Variants in HACL1 observed in about 807,000 individuals in gnomAD.
The protein encoded by HACL1 is 1600020H07Rik.
A neutral mutation model predicts 74.2 loss-of-function variants in HACL1; 64 were observed. The observed-to-expected ratio is 0.86, with a 90% CI of 0.70 to 1.06. The LOEUF (loss-of-function observed/expected upper bound fraction) is 1.06. Among genes scored for constraint, HACL1 ranks in the 50% least tolerant of loss-of-function variants. HACL1 has a pLI of 0.00. For synonymous variants in HACL1, 230 were observed against 238.8 expected (o/e 0.96, Z 0.34); for missense variants, 728 against 719.7 (o/e 1.01, Z -0.13).
At position 15,568,601 on chromosome 3, in the gene HACL1, G is replaced by A; in HGVS notation, c.1096-15C>T. ...GAAGCTAGTTCCTGAAAAGTAGATG[G>A]GAATATAATCAAATTAAATTGGGAT... On this transcript the variant is annotated splice_polypyrimidine_tract_variant and intron_variant, in intron 12 of 16. Coordinates refer to ENST00000321169, the MANE Select transcript of HACL1 (RefSeq NM_012260.4). 1.4e-6 allele frequency: 2 copies of A among 1,387,476 alleles called. No individual in the cohort carries two copies. Among genetic ancestry groups the A allele is most frequent in the Non-Finnish European group, 2.0e-6 (2 of 995,202 alleles). 85.9% of individuals were successfully genotyped at this position (1,387,476 alleles called of 1,614,324 possible).
chr3:15,587,671 T>G (rs774775790), intron 5 of HACL1, among the ~76,000 whole-genome samples: 2 of 152,236 alleles, frequency 1.3e-5, no homozygotes, highest in Admixed American at 1.3e-4. Context: ...TAACTTAATC[T>G]GCTCTACTTA....
chr3:15,573,194 T>C lies in HACL1; in HGVS notation c.958A>G (p.Thr320Ala), dbSNP rs760740057. ...ACAGCATGTATGTTTCCTAGCAAAG[T>C]AACAGCGGGCTTTACATTATTCCCC... ...ELGNNVKPAV[T>A]LLGNIHAVTK... The change falls in exon 11 of 17, where the codon ACT (threonine) becomes GCT (alanine). Residue 320 changes from threonine to alanine, a missense_variant. Thr to Ala is a moderately conservative substitution (Grantham distance 58, BLOSUM62 0). Transcript: ENST00000321169. 6.2e-7 allele frequency: 1 copy of C among 1,611,184 alleles called. No individual in the cohort carries two copies. Among genetic ancestry groups the C allele is most frequent in the South Asian group, 1.1e-5 (1 of 91,024 alleles).
At chr3:15,593,581 T>C (rs1475534825) in intron 3 of HACL1, among the ~76,000 whole-genome samples, 1 of 152,182 alleles carries the variant, frequency 6.6e-6, no homozygotes, top group African/African-American at 2.4e-5. Flanking sequence ...TCACACCTTA[T>C]GTCTCTAACC....
At chr3:15,587,299 T>G (rs967476948) in intron 5 of HACL1, among the ~76,000 whole-genome samples, 6 of 148,154 alleles carry the variant, frequency 4.0e-5, no homozygotes, top group Admixed American at 6.8e-5. Context: ...CTCTTCTGTT[T>G]TTAAATTTGA....
Position 15,585,245 on chromosome 3 carries a change from C to A in HACL1, c.554+3G>T. 2 of 1,402,050 alleles carry A rather than the reference C, an allele frequency of 1.4e-6. No homozygotes were observed. Among genetic ancestry groups the A allele is most frequent in the South Asian group, 1.2e-5 (1 of 86,406 alleles). The allele number at this position is 1,402,050 out of a possible 1,614,324, so 86.9% of individuals were successfully genotyped here. On this transcript the variant is annotated splice_donor_region_variant and intron_variant, in intron 7 of 16. Transcript: ENST00000321169. Reference sequence around the variant, plus strand: ...AAAGAATTCCAGCATAACTATTACTCACTTTATAGAATTCACATTCACCTG... The same window carrying A: ...AAAGAATTCCAGCATAACTATTACTAACTTTATAGAATTCACATTCACCTG...
intron 13 of HACL1, 108 bp from the exon 14 acceptor site, chr3:15,568,110 C>G: frequency 1.1e-6 from 1 of 925,582 alleles, no homozygotes; most frequent in Non-Finnish European, 1.7e-6. Flanking sequence ...AAATGAAGAA[C>G]CATAAAAACA....
intron 13 of HACL1, among the ~76,000 whole-genome samples, 175 bp from the exon 14 acceptor site, chr3:15,568,177 G>C (rs1286141209): frequency 6.6e-6 from 1 of 152,138 alleles, no homozygotes; most frequent in African/African-American, 2.4e-5. Flanking sequence ...GTCAAGGATA[G>C]AAAAAAGCCA....
rs535524009 is a variant in HACL1, at chr3:15,571,782, A to ACAC, written c.994-14_994-13insGTG. On this transcript the variant is annotated splice_polypyrimidine_tract_variant and intron_variant, in intron 11 of 16. Transcript: ENST00000321169. ...GTTCCTCTAAAAGCTTAAAAAAAAA[A>ACAC]AAACACACACACACAAACACATAAA... 114 of 918,408 alleles carry ACAC rather than the reference A, an allele frequency of 1.2e-4. 1 individual carries two copies. The Admixed American group carries it at 2.2e-3, about 17-fold the overall frequency. 56.9% of individuals were successfully genotyped at this position (918,408 alleles called of 1,614,324 possible). A position where few individuals can be genotyped will look rare whatever the true frequency, so the allele number is the denominator to read the frequency against.
chr3:15,595,285 G>A (rs1393925910), intron 3 of HACL1, among the ~76,000 whole-genome samples: 1 of 152,174 alleles, frequency 6.6e-6, no homozygotes, highest in Non-Finnish European at 1.5e-5. Flanking sequence ...GCAGAAAACA[G>A]TGACAATAGT....
intron 6 of HACL1, 41 bp downstream of exon 6, chr3:15,586,484 A>C: frequency 9.3e-7 from 1 of 1,071,106 alleles, no homozygotes. Flanking sequence ...GCAACTGAGA[A>C]AAATCAGTTG....
At position 15,585,254 on chromosome 3, in the gene HACL1, G is replaced by C. The variant is rs766609037; in HGVS notation, c.548C>G (p.Ser183Cys). 1 of 1,501,594 alleles carries C rather than the reference G, an allele frequency of 6.7e-7. No individual in the cohort carries two copies. The highest frequency in any genetic ancestry group is 1.1e-5 in the South Asian group (1 of 88,694). 93.0% of individuals were successfully genotyped at this position (1,501,594 alleles called of 1,614,324 possible). Residue 183 changes from serine (S) to cysteine (C), a missense_variant, in exon 7 of 17, where the codon TCT becomes TGT. Ser to Cys is a moderately radical substitution (Grantham distance 112). Coordinates refer to ENST00000321169, the MANE Select transcript of HACL1 (RefSeq NM_012260.4). ...CAGCATAACTATTACTCACTTTATA[G>C]AATTCACATTCACCTGAAGGTTCAC... ...DFVNLQVNVN[S>C]IKYMERCMSP...
chr3:15,579,889 A>G (rs1010309092), intron 9 of HACL1, 21 bp downstream of exon 9: 5 of 1,524,890 alleles, frequency 3.3e-6, no homozygotes, highest in Non-Finnish European at 4.4e-6. Context: ...CATTGTATTT[A>G]AAATCTGGAA....
rs189906119 is a variant in HACL1 at position 15,598,394 on chromosome 3, A to C, written c.187-1970T>G. Among the ~76,000 whole-genome samples, 4 of 152,310 alleles carry C rather than the reference A, an allele frequency of 2.6e-5. No homozygotes were observed. The East Asian group carries it at 7.7e-4, about 29-fold the overall frequency. On this transcript the variant is annotated intron_variant, in intron 2 of 16. Coordinates refer to ENST00000321169, the MANE Select transcript of HACL1 (RefSeq NM_012260.4). ...TCCATTCACAGGCAGAACAGTGTAC[A>C]TGGTACTTAGAGAGTGGACTCTCGA... is the stretch of plus-strand genomic sequence containing the variant.
chr3:15,561,834 C>A (rs1208055427), intron 16 of HACL1, among the ~76,000 whole-genome samples: 1 of 152,202 alleles, frequency 6.6e-6, no homozygotes, highest in Non-Finnish European at 1.5e-5. Context: ...ACATGCACCA[C>A]CATGCCCAGT....
At chr3:15,577,209 A>G (rs2063642663) in intron 9 of HACL1, among the ~76,000 whole-genome samples, 1 of 152,130 alleles carries the variant, frequency 6.6e-6, no homozygotes, top group Non-Finnish European at 1.5e-5. Context: ...AGCCCTCAGA[A>G]GCCAGGTGCT....
intron 3 of HACL1, among the ~76,000 whole-genome samples, chr3:15,592,076 A>ATATG (rs1488072357): frequency 7.2e-6 from 1 of 139,702 alleles, no homozygotes; most frequent in Non-Finnish European, 1.5e-5. Flanking sequence ...GTATATACGT[A>ATATG]TACGTATATA....
intron 11 of HACL1, 60 bp from the exon 12 acceptor site, chr3:15,571,829 C>CTTTTTTT (rs869072841): frequency 4.8e-4 from 108 of 226,128 alleles, no homozygotes; most frequent in African/African-American, 1.2e-3. Flanking sequence ...CCTTTTTTTT[C>CTTTTTTT]TTTTTTTTTT....
At chr3:15,590,540 T>C (rs2063872452) in intron 4 of HACL1, among the ~76,000 whole-genome samples, 1 of 152,190 alleles carries the variant, frequency 6.6e-6, no homozygotes. Context: ...ATCTCACTGG[T>C]AAAGTGCCAG....
rs1266010747 is a variant in HACL1, at chr3:15,584,342, C to T, written c.554+906G>A. Among the ~76,000 whole-genome samples, 4 of 152,176 alleles carry T rather than the reference C, an allele frequency of 2.6e-5. No individual in the cohort carries two copies. The East Asian group carries it at 7.7e-4, about 29-fold the overall frequency. On this transcript the variant is annotated intron_variant, in intron 7 of 16. Transcript: ENST00000321169. ...CGGTGGCTCATGCCTGTAATCCCAG[C>T]ACTTTGTGAGGCCGAGGTTGGTGGA... is the stretch of plus-strand genomic sequence containing the variant.
Sources: allele counts gnomAD v4.1 joint callset (sites outside exome capture counted in the v4.1 genomes callset), GRCh38; gene constraint gnomAD v4.1.1; transcripts MANE v1.5; gene names NCBI Gene and HGNC (gene_info 2026-07-23, HGNC 2026-07-21).